BRSK1: variants seen among roughly 807,000 people sequenced by gnomAD.
The protein encoded by BRSK1 is serine/threonine-protein kinase BRSK1.
Under a neutral mutation model 86.2 loss-of-function variants are expected in BRSK1, and 17 were observed. The ratio of observed to expected loss-of-function variants is 0.20; its 90% confidence interval spans 0.14 to 0.30. The LOEUF (loss-of-function observed/expected upper bound fraction) is 0.30. BRSK1 is among the 10% of genes least tolerant of loss of function. BRSK1 has a pLI of 1.00. For missense variants in BRSK1, 719 were observed against 1,071.9 expected (o/e 0.67, Z 4.60); for synonymous variants, 464 against 440.1 (o/e 1.05, Z -0.68).
At chr19:55,309,975 C>G (rs2088746584) in intron 18 of BRSK1, among the ~76,000 whole-genome samples, 4 of 152,202 alleles carry the variant, frequency 2.6e-5, no homozygotes, top group Admixed American at 2.6e-4. Context: ...CCCCTGGACC[C>G]CGTTGAAAGG....
Position 55,306,494 on chromosome 19 carries a change from G to A in BRSK1, c.2089+44G>A, listed in dbSNP as rs2088653057. ...CTGCCTGCAGCCCAGTGCTGGGACT[G>A]TTCACGACAGCTGAGACAGTGTAGG... On this transcript the variant is annotated intron_variant, in intron 17 of 18. Coordinates refer to ENST00000309383, the MANE Select transcript of BRSK1 (RefSeq NM_032430.2). The surrounding 1 kb of genome is among the most constrained non-coding windows in gnomAD (Gnocchi z 4.7). The A allele has an allele frequency of 6.2e-7, 1 of 1,600,026 alleles. No homozygotes were observed. The highest frequency in any genetic ancestry group is 8.5e-7 in the Non-Finnish European group (1 of 1,174,980).
Position 55,303,973 on chromosome 19 carries a change from G to A in BRSK1, c.1287-77G>A. 1 of 1,537,756 alleles carries A rather than the reference G, an allele frequency of 6.5e-7. No individual in the cohort carries two copies. Among genetic ancestry groups the A allele is most frequent in the Non-Finnish European group, 8.8e-7 (1 of 1,138,948 alleles). On this transcript the variant is annotated intron_variant, in intron 12 of 18. Coordinates refer to ENST00000309383, the MANE Select transcript of BRSK1 (RefSeq NM_032430.2). The surrounding 1 kb of genome is among the most constrained non-coding windows in gnomAD (Gnocchi z 5.1). Reference sequence around the variant, plus strand: ...CCTCATTTCCTCACCTGGAAGGACTGTAGAAGTGAGGGAACATCTGTGGTT... The same window carrying A: ...CCTCATTTCCTCACCTGGAAGGACTATAGAAGTGAGGGAACATCTGTGGTT...
chr19:55,303,224 A>G lies in BRSK1; in HGVS notation c.1029-87A>G. ...AAAATGGAACCATGGGCAGAAATAC[A>G]GGGAGCGGAGGAGACCTCCTCTGAG... is the stretch of plus-strand genomic sequence containing the variant. On this transcript the variant is annotated intron_variant, in intron 10 of 18. Coordinates refer to ENST00000309383, the MANE Select transcript of BRSK1 (RefSeq NM_032430.2). The surrounding 1 kb of genome is among the most constrained non-coding windows in gnomAD (Gnocchi z 5.1). The G allele has an allele frequency of 9.6e-7, 1 of 1,043,608 alleles. No individual in the cohort carries two copies. The highest frequency in any genetic ancestry group is 1.5e-6 in the Non-Finnish European group (1 of 675,996). The allele number at this position is 1,043,608 out of a possible 1,614,324, so 64.6% of individuals were successfully genotyped here.
chr19:55,291,997 T>C (rs2088413750), intron 4 of BRSK1, among the ~76,000 whole-genome samples: 1 of 152,162 alleles, frequency 6.6e-6, no homozygotes, highest in South Asian at 2.1e-4. Flanking sequence ...TGACCTCAGG[T>C]GATCCACCCA....
chr19:55,290,468 A>T (rs1430585324), intron 4 of BRSK1, among the ~76,000 whole-genome samples: 1 of 152,220 alleles, frequency 6.6e-6, no homozygotes. Flanking sequence ...TAACAAAGAA[A>T]AAAAGAATTG....
chr19:55,308,004 T>G (rs1404033597), intron 17 of BRSK1, among the ~76,000 whole-genome samples: 5 of 149,608 alleles, frequency 3.3e-5, no homozygotes, highest in East Asian at 2.0e-4. Flanking sequence ...TTTCTTTTTT[T>G]TTGTTGTTGT....
rs576520427 is a variant in BRSK1 at position 55,306,232 on chromosome 19, T to C, written c.1891-20T>C. 6.2e-7 allele frequency: 1 copy of C among 1,612,908 alleles called. No individual in the cohort carries two copies. The highest frequency in any genetic ancestry group is 1.1e-5 in the South Asian group (1 of 91,080). On this transcript the variant is annotated intron_variant, in intron 16 of 18. Transcript: ENST00000309383. This position sits in a 1 kb window ranked among gnomAD's most constrained non-coding sequence, Gnocchi z 4.7. ...TCCATTTCCTGGGCTCACCCCTTCC[T>C]GTGTTCCTACCTCGCTCAGATCCCC...
intron 17 of BRSK1, among the ~76,000 whole-genome samples, chr19:55,307,094 A>G (rs1413672898): frequency 6.6e-6 from 1 of 152,198 alleles, no homozygotes; most frequent in East Asian, 1.9e-4. Flanking sequence ...CCATCCTGAT[A>G]GTGAGCATTT....
At position 55,302,666 on chromosome 19, in the gene BRSK1, G is replaced by A. The variant is rs767069878; in HGVS notation, c.858-31G>A. The A allele has an allele frequency of 1.8e-5, 28 of 1,585,428 alleles. No homozygotes were observed. The highest frequency in any genetic ancestry group is 2.7e-5 in the African/African-American group (2 of 73,912). On this transcript the variant is annotated intron_variant, in intron 9 of 18. Transcript: ENST00000309383. The surrounding 1 kb of genome is among the most constrained non-coding windows in gnomAD (Gnocchi z 6.3). ...GAAGAATGCTGAATCTCAGAAGCCC[G>A]GTTCCCAATAATGTTTCTCCACTTC... is the stretch of plus-strand genomic sequence containing the variant.
At chr19:55,296,663 G>A (rs563833402) in intron 7 of BRSK1, among the ~76,000 whole-genome samples, 114 of 152,278 alleles carry the variant, frequency 7.5e-4, no homozygotes, top group Non-Finnish European at 1.4e-3. Flanking sequence ...TGGCTAACGT[G>A]GTGAAACCCC....
At chr19:55,309,024 G>A (rs2088721742) in intron 18 of BRSK1, among the ~76,000 whole-genome samples, 2 of 152,064 alleles carry the variant, frequency 1.3e-5, no homozygotes, top group African/African-American at 4.8e-5. Flanking sequence ...CTGGCTCCCA[G>A]GAGTCCCTAA....
At chr19:55,296,699 T>A (rs1388702289) in intron 7 of BRSK1, among the ~76,000 whole-genome samples, 1 of 151,946 alleles carries the variant, frequency 6.6e-6, no homozygotes, top group Admixed American at 6.6e-5. Flanking sequence ...ACAAAAAAAA[T>A]TAGCCGGGAG....
At position 55,310,859 on chromosome 19, in the gene BRSK1, T is replaced by G. The variant is rs1319188030; in HGVS notation, c.2180-1052T>G. On this transcript the variant is annotated intron_variant, in intron 18 of 18. Transcript: ENST00000309383. The surrounding 1 kb of genome is among the most constrained non-coding windows in gnomAD (Gnocchi z 5.0). ...GGGCACACCCTGGAAGATGTAGGAC[T>G]AACAGGCACCCTGGGGGGCTCAGCC... is the stretch of plus-strand genomic sequence containing the variant. Among the ~76,000 whole-genome samples, 5 of 152,106 alleles carry G rather than the reference T, an allele frequency of 3.3e-5. No individual in the cohort carries two copies. Among genetic ancestry groups the G allele is most frequent in the Non-Finnish European group, 5.9e-5 (4 of 68,002 alleles).
chr19:55,293,088 G>A (rs1378518161), intron 4 of BRSK1, among the ~76,000 whole-genome samples: 4 of 152,114 alleles, frequency 2.6e-5, no homozygotes, highest in African/African-American at 9.7e-5. Flanking sequence ...GGCCGGGCGC[G>A]GTGGCTCACC....
Position 55,303,929 on chromosome 19 carries a change from T to G in BRSK1, c.1286+103T>G. 6.6e-7 allele frequency: 1 copy of G among 1,514,004 alleles called. No individual in the cohort carries two copies. The highest frequency in any genetic ancestry group is 8.9e-7 in the Non-Finnish European group (1 of 1,126,920). The allele number at this position is 1,514,004 out of a possible 1,614,324, so 93.8% of individuals were successfully genotyped here. A position where few individuals can be genotyped will look rare whatever the true frequency, so the allele number is the denominator to read the frequency against. ...CAAATGTGCTGTGTCCTTGGGACAATTCACCTCCCCTCTCTGGGCCTCATT... is the reference window on the plus strand; with the variant it reads ...CAAATGTGCTGTGTCCTTGGGACAAGTCACCTCCCCTCTCTGGGCCTCATT... On this transcript the variant is annotated intron_variant, in intron 12 of 18. Transcript: ENST00000309383. The surrounding 1 kb of genome is among the most constrained non-coding windows in gnomAD (Gnocchi z 5.1).
intron 7 of BRSK1, among the ~76,000 whole-genome samples, chr19:55,295,680 T>C (rs1372052557): frequency 6.6e-6 from 1 of 152,146 alleles, no homozygotes; most frequent in African/African-American, 2.4e-5. Flanking sequence ...ATAACAAGTA[T>C]AACCAGGCCG....
At chr19:55,308,988 G>A (rs2088720968) in intron 18 of BRSK1, among the ~76,000 whole-genome samples, 2 of 152,222 alleles carry the variant, frequency 1.3e-5, no homozygotes, top group East Asian at 1.9e-4. Flanking sequence ...TGGGGCCTGA[G>A]GAGGGTCTCC....
In BRSK1 at chr19:55,284,151, G is replaced by C. The variant is rs1032169025; in HGVS notation, c.-292G>C. On this transcript the variant is annotated 5_prime_UTR_variant, in exon 1 of 19. Coordinates refer to ENST00000309383, the MANE Select transcript of BRSK1 (RefSeq NM_032430.2). ...GCACCTCAGACCCCCCCGGCGGGGG[G>C]AGGCGCAGGAAGCGGGGGGCCGGCC... The C allele has an allele frequency of 8.9e-7, 1 of 1,127,328 alleles. No homozygotes were observed. The highest frequency in any genetic ancestry group is 1.1e-6 in the Non-Finnish European group (1 of 894,000). The allele number at this position is 1,127,328 out of a possible 1,614,324, so 69.8% of individuals were successfully genotyped here.
rs879717587 is a variant in BRSK1 at position 55,286,703 on chromosome 19, A to AC, written c.137-304_137-303insC. ...CAGACTCGGGGAGACACGGTGAGGAAAGAATGCGTGGCAGGCGGGCTCCCC... is the reference window on the plus strand; with the variant it reads ...CAGACTCGGGGAGACACGGTGAGGAACAGAATGCGTGGCAGGCGGGCTCCCC... On this transcript the variant is annotated intron_variant, in intron 1 of 18. Coordinates refer to ENST00000309383, the MANE Select transcript of BRSK1 (RefSeq NM_032430.2). Among the ~76,000 whole-genome samples the AC allele has an allele frequency of 5.1e-3, 772 of 151,256 alleles. 5 individuals are homozygous for AC. Among genetic ancestry groups the AC allele is most frequent in the African/African-American group, 0.018 (749 of 41,126 alleles).
Sources: gnomAD v4.1 joint callset for allele counts (sites outside exome capture counted in the v4.1 genomes callset) on GRCh38, gnomAD v4.1.1 for gene constraint, Gnocchi (gnomAD v3.1) non-coding constraint, MANE v1.5 for transcripts, NCBI Gene and HGNC (gene_info 2026-07-23, HGNC 2026-07-21) for gene names.